SOX5: variants seen among roughly 807,000 people sequenced by gnomAD.
SOX5 encodes the protein transcription factor SOX-5.
SOX5 carries 9 observed loss-of-function variants against 92.0 expected under a neutral mutation model. That is an observed-to-expected ratio of 0.10 (90% CI 0.06 to 0.17). The LOEUF is 0.17. SOX5 is among the 10% of genes least tolerant of loss of function. The pLI is 1.00. For synonymous variants in SOX5, 344 were observed against 336.3 expected (o/e 1.02, Z -0.25); for missense variants, 642 against 944.5 (o/e 0.68, Z 4.20).
At chr12:23,813,756 G>T (rs1000370311) in intron 3 of SOX5, among the ~76,000 whole-genome samples, 1 of 152,102 alleles carries the variant, frequency 6.6e-6, no homozygotes, top group Non-Finnish European at 1.5e-5. Flanking sequence ...TGAGTTCTGG[G>T]AAGTGTGTCT....
chr12:24,488,715 T>C (rs1432537958), intron 1 of SOX5, among the ~76,000 whole-genome samples: 6 of 152,220 alleles, frequency 3.9e-5, no homozygotes, highest in Non-Finnish European at 5.9e-5. Context: ...GTAAGTATTT[T>C]AAAATCCTCC....
intron 8 of SOX5, among the ~76,000 whole-genome samples, chr12:23,635,384 T>C (rs1182862035): frequency 1.3e-5 from 2 of 152,104 alleles, no homozygotes; most frequent in East Asian, 1.9e-4. Context: ...TGGATGAAGC[T>C]AGAAACCATC....
intron 9 of SOX5, among the ~76,000 whole-genome samples, chr12:23,586,818 A>C (rs1950813232): frequency 6.6e-6 from 1 of 151,772 alleles, no homozygotes; most frequent in Non-Finnish European, 1.5e-5. Context: ...TTTGTCACTT[A>C]TGATTGACTT....
At chr12:24,286,790 A>G (rs1274257343) in intron 2 of SOX5, among the ~76,000 whole-genome samples, 6 of 152,226 alleles carry the variant, frequency 3.9e-5, no homozygotes, top group African/African-American at 1.4e-4. Context: ...AAAGGAAGCC[A>G]AATGACTTAG....
At chr12:24,235,822 T>A (rs1964371198) in intron 3 of SOX5, among the ~76,000 whole-genome samples, 1 of 152,160 alleles carries the variant, frequency 6.6e-6, no homozygotes, top group Non-Finnish European at 1.5e-5. Context: ...TATCCAAGAC[T>A]TTCCTTTTAA....
chr12:23,969,613 C>A (rs1254045654), intron 4 of SOX5, among the ~76,000 whole-genome samples: 1 of 152,204 alleles, frequency 6.6e-6, no homozygotes, highest in Non-Finnish European at 1.5e-5. Context: ...TGGCTAATGT[C>A]TAGCTACACT....
intron 4 of SOX5, among the ~76,000 whole-genome samples, chr12:23,744,356 G>A (rs888731429): frequency 6.6e-6 from 1 of 152,064 alleles, no homozygotes; most frequent in African/African-American, 2.4e-5. Flanking sequence ...TTGTCCCCCA[G>A]CCCTATTAAC....
chr12:24,011,409 T>G (rs984544946), intron 4 of SOX5, among the ~76,000 whole-genome samples: 1 of 152,254 alleles, frequency 6.6e-6, no homozygotes, highest in South Asian at 2.1e-4. Flanking sequence ...ACCAAAATTG[T>G]AGATGAGCCC....
intron 1 of SOX5, among the ~76,000 whole-genome samples, chr12:24,369,392 G>T (rs886911567): frequency 6.6e-6 from 1 of 152,136 alleles, no homozygotes; most frequent in African/African-American, 2.4e-5. Flanking sequence ...AAAAGGGGTT[G>T]GAAACTAAAG....
intron 9 of SOX5, among the ~76,000 whole-genome samples, chr12:23,600,873 G>C (rs1213874281): frequency 6.6e-6 from 1 of 151,870 alleles, no homozygotes; most frequent in Non-Finnish European, 1.5e-5. Context: ...TACAGCACTC[G>C]TATAACACCA....
intron 11 of SOX5, among the ~76,000 whole-genome samples, chr12:23,550,156 C>A (rs1023701929): frequency 1.4e-4 from 22 of 151,916 alleles, no homozygotes; most frequent in African/African-American, 5.3e-4. Context: ...GATATGGACA[C>A]TTTGTTGATT....
intron 1 of SOX5, among the ~76,000 whole-genome samples, chr12:24,508,657 G>C (rs191110687): frequency 6.6e-6 from 1 of 152,138 alleles, no homozygotes; most frequent in African/African-American, 2.4e-5. Flanking sequence ...AATCATTCAC[G>C]CTGTGGTCCA....
intron 9 of SOX5, among the ~76,000 whole-genome samples, chr12:23,595,032 C>A (rs1009285031): frequency 6.6e-6 from 1 of 152,112 alleles, no homozygotes; most frequent in African/African-American, 2.4e-5. Context: ...CAAAATTACC[C>A]ATTTGTTTAA....
intron 4 of SOX5, among the ~76,000 whole-genome samples, chr12:24,156,120 T>C (rs538656691): frequency 6.6e-6 from 1 of 152,198 alleles, no homozygotes; most frequent in South Asian, 2.1e-4. Context: ...TGTAGGAACA[T>C]GGAGCGGGAA....
intron 1 of SOX5, among the ~76,000 whole-genome samples, chr12:24,539,561 A>C (rs1951934864): frequency 6.6e-6 from 1 of 152,106 alleles, no homozygotes; most frequent in Non-Finnish European, 1.5e-5. Flanking sequence ...AATGCACTAA[A>C]GCTGGAAGGC....
chr12:24,087,644 T>C (rs1241897119), intron 4 of SOX5, among the ~76,000 whole-genome samples: 3 of 152,132 alleles, frequency 2.0e-5, no homozygotes, highest in African/African-American at 4.8e-5. Context: ...ATATTGAGAA[T>C]GCAATGACCT....
intron 7 of SOX5, among the ~76,000 whole-genome samples, chr12:23,661,601 A>C (rs376909870): frequency 2.0e-5 from 3 of 152,236 alleles, no homozygotes; most frequent in Non-Finnish European, 4.4e-5. Flanking sequence ...TTCCAAAAAC[A>C]TAAAACTGTT....
At chr12:23,681,132 CAA>C (rs1222671446) in intron 6 of SOX5, among the ~76,000 whole-genome samples, 1 of 151,772 alleles carries the variant, frequency 6.6e-6, no homozygotes, top group Non-Finnish European at 1.5e-5. Context: ...GCATGTAAAA[CAA>C]GAGAGGAGTA....
chr12:24,400,754 A>T (rs528859607), intron 1 of SOX5, among the ~76,000 whole-genome samples: 14 of 152,274 alleles, frequency 9.2e-5, no homozygotes, highest in Non-Finnish European at 1.3e-4. Flanking sequence ...CCACACACAC[A>T]CTTTGCTGAG....
Sources: gnomAD v4.1 joint callset for allele counts (sites outside exome capture counted in the v4.1 genomes callset) on GRCh38, gnomAD v4.1.1 for gene constraint, MANE v1.5 for transcripts, NCBI Gene and HGNC (gene_info 2026-07-23, HGNC 2026-07-21) for gene names.